EXD3: variants seen among roughly 807,000 people sequenced by gnomAD.
The protein encoded by EXD3 is exonuclease mut-7 homolog.
In EXD3, 92 loss-of-function variants were observed where a neutral mutation model predicts 98.0. The observed-to-expected ratio is 0.94, with a 90% CI of 0.79 to 1.12. The LOEUF is 1.12. Among genes scored for constraint, EXD3 ranks in the 50% most tolerant of loss-of-function variants. The pLI is 0.00. For missense variants in EXD3, 1,222 were observed against 1,191.6 expected (o/e 1.03, Z -0.38); for synonymous variants, 569 against 526.0 (o/e 1.08, Z -1.12).
chr9:137,326,392 G>A (rs767168781), intron 17 of EXD3, among the ~76,000 whole-genome samples: 3 of 152,192 alleles, frequency 2.0e-5, no homozygotes, highest in Non-Finnish European at 4.4e-5. Flanking sequence ...AGGGCACGGT[G>A]CCTTACGCCT....
intron 1 of EXD3, among the ~76,000 whole-genome samples, chr9:137,412,231 T>G (rs1368016551): frequency 1.3e-5 from 2 of 152,078 alleles, no homozygotes; most frequent in African/African-American, 4.8e-5. Context: ...AAAGGAGGCC[T>G]CCAAGGCCTG....
chr9:137,332,462 C>T (rs1182247294), intron 17 of EXD3, among the ~76,000 whole-genome samples: 1 of 151,754 alleles, frequency 6.6e-6, no homozygotes, highest in African/African-American at 2.4e-5. Context: ...TAGTGGGCAC[C>T]TGTAGTCCCA....
chr9:137,344,420 T>A (rs557177688), intron 17 of EXD3, among the ~76,000 whole-genome samples: 1 of 152,300 alleles, frequency 6.6e-6, no homozygotes, highest in South Asian at 2.1e-4. Flanking sequence ...ATGCTTGCAG[T>A]GGCTGACGAG....
At chr9:137,419,419 CA>C (rs1838398809) in intron 1 of EXD3, among the ~76,000 whole-genome samples, 2 of 152,158 alleles carry the variant, frequency 1.3e-5, no homozygotes, top group Non-Finnish European at 2.9e-5. Flanking sequence ...CCTGTAATCC[CA>C]ACACTTCGGG....
chr9:137,346,762 GT>G (rs35662459), intron 17 of EXD3, among the ~76,000 whole-genome samples: 13,279 of 145,478 alleles, frequency 0.091, 1,411 homozygotes, highest in African/African-American at 0.25. Flanking sequence ...ACTTCCGCAT[GT>G]TTAGCTGTGT....
At chr9:137,387,789 C>T (rs1005623529) in intron 2 of EXD3, among the ~76,000 whole-genome samples, 7 of 152,214 alleles carry the variant, frequency 4.6e-5, no homozygotes, top group South Asian at 2.1e-4. Context: ...GTCGCCTCCT[C>T]GTGCAGTAGC....
Position 137,352,680 on chromosome 9 carries a change from GGCA to G in EXD3, c.974_976del (p.Leu325del). On this transcript the variant is annotated inframe_deletion, in exon 11 of 22. Coordinates refer to ENST00000340951, the MANE Select transcript of EXD3 (RefSeq NM_017820.5). ...CACCGCAGCCGGCAGCCGCTCCTCG[GGCA>G]GCAAGAGTTCCATGGCACACTGGGC... 6.4e-7 allele frequency: 1 copy of G among 1,555,696 alleles called. No individual in the cohort carries two copies. The highest frequency in any genetic ancestry group is 8.7e-7 in the Non-Finnish European group (1 of 1,150,634).
chr9:137,308,634 CT>C (rs572242584), intron 20 of EXD3, among the ~76,000 whole-genome samples: 2,652 of 135,930 alleles, frequency 0.02, 42 homozygotes, highest in African/African-American at 0.059. Context: ...TGGACTGACC[CT>C]TTTTTTTTTT....
Position 137,371,030 on chromosome 9 carries a change from C to T in EXD3, c.462+1875G>A, listed in dbSNP as rs930198940. ...CGGCGGTGAGCAGTGGAGCATGCAT[C>T]GCCTGCCGGGCGGCCCCGCTCGGGG... On this transcript the variant is annotated intron_variant, in intron 5 of 21. Coordinates refer to ENST00000340951, the MANE Select transcript of EXD3 (RefSeq NM_017820.5). The surrounding 1 kb of genome is among the most constrained non-coding windows in gnomAD (Gnocchi z 8.0). 1.8e-4 allele frequency among the ~76,000 whole-genome samples: 28 copies of T among 152,156 alleles called. No homozygotes were observed. The highest frequency in any genetic ancestry group is 6.0e-4 in the African/African-American group (25 of 41,438).
intron 2 of EXD3, among the ~76,000 whole-genome samples, chr9:137,384,054 G>A (rs903056825): frequency 2.6e-5 from 4 of 152,218 alleles, no homozygotes; most frequent in Non-Finnish European, 5.9e-5. Flanking sequence ...CGGAGGCCAG[G>A]GAGGGGCAGG....
At chr9:137,342,993 G>A (rs1205580408) in intron 17 of EXD3, among the ~76,000 whole-genome samples, 1 of 152,184 alleles carries the variant, frequency 6.6e-6, no homozygotes, top group Non-Finnish European at 1.5e-5. Flanking sequence ...GGTGGTGGGT[G>A]CCTGTAATCC....
At chr9:137,318,231 C>T (rs939335076) in intron 19 of EXD3, among the ~76,000 whole-genome samples, 5 of 152,132 alleles carry the variant, frequency 3.3e-5, no homozygotes, top group African/African-American at 9.7e-5. Context: ...GGACCCCTGT[C>T]TGCTGGGCTG....
chr9:137,410,699 A>T (rs1408863124), intron 1 of EXD3, among the ~76,000 whole-genome samples: 1 of 152,132 alleles, frequency 6.6e-6, no homozygotes, highest in Admixed American at 6.5e-5. Context: ...AGAACTGCAC[A>T]ACGAGGAAGC....
chr9:137,315,791 G>GC (rs1243660501), intron 19 of EXD3, among the ~76,000 whole-genome samples: 1 of 151,962 alleles, frequency 6.6e-6, no homozygotes, highest in Non-Finnish European at 1.5e-5. Flanking sequence ...AGGGTCAGGA[G>GC]CCCCAGACCC....
intron 5 of EXD3, among the ~76,000 whole-genome samples, chr9:137,372,414 G>GC (rs1289888892): frequency 1.3e-5 from 2 of 152,222 alleles, no homozygotes; most frequent in African/African-American, 2.4e-5. Context: ...CTTCTGCTCG[G>GC]CCCCTCTGGG....
chr9:137,352,759 G>C lies in EXD3; in HGVS notation c.898C>G (p.Gln300Glu). The change falls in exon 11 of 22, where the codon CAG becomes GAG. Residue 300 changes from glutamine to glutamate, a missense_variant. Gln to Glu is a conservative substitution (Grantham distance 29, BLOSUM62 2). Coordinates refer to ENST00000340951, the MANE Select transcript of EXD3 (RefSeq NM_017820.5). ...ACCAGCAGCTGAGACAGCTGCTCCT[G>C]AAGCCACGGGCTCTGCCCCACCAGG... ...QGLVGQSPWLQEQLSQLLVSH... is the reference protein window; with the variant it reads ...QGLVGQSPWLEEQLSQLLVSH... 6.3e-7 allele frequency: 1 copy of C among 1,579,570 alleles called. No individual in the cohort carries two copies. Among genetic ancestry groups the C allele is most frequent in the South Asian group, 1.2e-5 (1 of 86,314 alleles).
rs576242199 is a variant in EXD3 at position 137,347,696 on chromosome 9, G to A, written c.1998+375C>T. ...TGGCCTCAAGTGATCCACCCACCTC[G>A]GCCTCCCAAGGTGCTGGGATTATAG... On this transcript the variant is annotated intron_variant, in intron 17 of 21. Coordinates refer to ENST00000340951, the MANE Select transcript of EXD3 (RefSeq NM_017820.5). The surrounding 1 kb of genome is among the most constrained non-coding windows in gnomAD (Gnocchi z 4.2). 2.1e-4 allele frequency among the ~76,000 whole-genome samples: 32 copies of A among 152,146 alleles called. No homozygotes were observed. Among genetic ancestry groups the A allele is most frequent in the African/African-American group, 7.0e-4 (29 of 41,506 alleles).
rs1052685716 is a variant in EXD3 at position 137,352,619 on chromosome 9, C to A, written c.1037+1G>T. On this transcript the variant is annotated splice_donor_variant, in intron 11 of 21. Coordinates refer to ENST00000340951, the MANE Select transcript of EXD3 (RefSeq NM_017820.5). LOFTEE classifies it high-confidence loss of function. ...GCTGGGGTCACCCTGGCGGCGCTCA[C>A]CTCCCCTGGAGCCTGAACCGGCGGA... 6.5e-7 allele frequency: 1 copy of A among 1,540,638 alleles called. No individual in the cohort carries two copies. The highest frequency in any genetic ancestry group is 8.7e-7 in the Non-Finnish European group (1 of 1,143,142).
rs975515899 is a variant in EXD3 at position 137,371,321 on chromosome 9, C to T, written c.462+1584G>A. 2.6e-4 allele frequency among the ~76,000 whole-genome samples: 39 copies of T among 152,320 alleles called. 1 individual carries two copies. The highest frequency in any genetic ancestry group is 1.5e-3 in the Admixed American group (23 of 15,314). On this transcript the variant is annotated intron_variant, in intron 5 of 21. Transcript: ENST00000340951. This position sits in a 1 kb window ranked among gnomAD's most constrained non-coding sequence, Gnocchi z 8.0. The stretch of plus-strand genomic sequence containing the variant: ...GCCGGGACATGGTGGCTTCTCAGCG[C>T]CATGCACCCGCCGCGAGACGACGGC...
Sources: allele counts gnomAD v4.1 joint callset (sites outside exome capture counted in the v4.1 genomes callset), GRCh38; gene constraint gnomAD v4.1.1; non-coding constraint Gnocchi (gnomAD v3.1); transcripts MANE v1.5; gene names NCBI Gene and HGNC (gene_info 2026-07-23, HGNC 2026-07-21).